Variants in LRP1B observed in about 807,000 individuals in gnomAD.
The protein encoded by LRP1B is low-density lipoprotein receptor-related protein 1B.
In LRP1B, 217 loss-of-function variants were observed where a neutral mutation model predicts 556.6. That is an observed-to-expected ratio of 0.39 (90% CI 0.35 to 0.44). LRP1B has a LOEUF of 0.44. LRP1B is among the 20% of genes least tolerant of loss of function. LRP1B has a pLI of 1.00. For missense variants in LRP1B, 5,053 were observed against 5,620.8 expected (o/e 0.90, Z 3.23); for synonymous variants, 2,047 against 1,865.8 (o/e 1.10, Z -2.50).
intron 13 of LRP1B, among the ~76,000 whole-genome samples, chr2:141,014,233 A>T (rs141772411): frequency 6.6e-6 from 1 of 152,094 alleles, no homozygotes; most frequent in Non-Finnish European, 1.5e-5. Context: ...TAATTGAGCC[A>T]ATGCAAATTG....
intron 31 of LRP1B, among the ~76,000 whole-genome samples, chr2:140,833,335 A>C (rs1297776538): frequency 6.6e-6 from 1 of 152,230 alleles, no homozygotes; most frequent in Non-Finnish European, 1.5e-5. Flanking sequence ...ACTATGTGGC[A>C]GTAGGAGGCG....
At chr2:140,550,422 A>C (rs1178591235) in intron 43 of LRP1B, among the ~76,000 whole-genome samples, 1 of 152,158 alleles carries the variant, frequency 6.6e-6, no homozygotes, top group African/African-American at 2.4e-5. Context: ...AATATCCCCA[A>C]ACTTCAACCT....
chr2:141,334,424 C>T (rs564771485), intron 3 of LRP1B, among the ~76,000 whole-genome samples: 11 of 152,258 alleles, frequency 7.2e-5, no homozygotes, highest in Admixed American at 2.6e-4. Flanking sequence ...AAGCTCCCTG[C>T]GGCCTTACAG....
chr2:141,599,616 T>C (rs1687657893), intron 2 of LRP1B, among the ~76,000 whole-genome samples: 1 of 152,176 alleles, frequency 6.6e-6, no homozygotes, highest in African/African-American at 2.4e-5. Context: ...TTTTTCGATA[T>C]GTACAATTTG....
At chr2:141,932,009 G>A (rs1463100265) in intron 1 of LRP1B, among the ~76,000 whole-genome samples, 1 of 151,986 alleles carries the variant, frequency 6.6e-6, no homozygotes, top group Non-Finnish European at 1.5e-5. Context: ...CTTTGTCCTT[G>A]GAGAGATAAC....
intron 3 of LRP1B, among the ~76,000 whole-genome samples, chr2:141,416,063 TAAATG>T (rs1691089353): frequency 6.6e-6 from 1 of 152,236 alleles, no homozygotes; most frequent in Non-Finnish European, 1.5e-5. Flanking sequence ...AGACAAACTT[TAAATG>T]AAATGTTTGT....
intron 4 of LRP1B, among the ~76,000 whole-genome samples, chr2:141,251,922 A>T (rs406726): frequency 0.22 from 32,687 of 151,918 alleles, 3,588 homozygotes; most frequent in South Asian, 0.25. Flanking sequence ...TGTTCATGTG[A>T]TTCTACAATC....
At chr2:140,617,429 C>G (rs1683296512) in intron 41 of LRP1B, among the ~76,000 whole-genome samples, 2 of 152,016 alleles carry the variant, frequency 1.3e-5, no homozygotes, top group South Asian at 4.1e-4. Flanking sequence ...AAATAAAAAT[C>G]AGTGTGTCAA....
At chr2:141,347,025 A>G (rs1263573571) in intron 3 of LRP1B, among the ~76,000 whole-genome samples, 1 of 152,174 alleles carries the variant, frequency 6.6e-6, no homozygotes, top group African/African-American at 2.4e-5. Flanking sequence ...CATTAAAAAG[A>G]GCCAAAAGCA....
intron 25 of LRP1B, among the ~76,000 whole-genome samples, chr2:140,879,968 G>C (rs1262460133): frequency 6.6e-6 from 1 of 150,620 alleles, no homozygotes; most frequent in African/African-American, 2.4e-5. Flanking sequence ...AAAAAAAGAG[G>C]TTACTTATCT....
At chr2:140,236,990 A>G (rs1680737335) in intron 89 of LRP1B, among the ~76,000 whole-genome samples, 1 of 150,994 alleles carries the variant, frequency 6.6e-6, no homozygotes, top group South Asian at 2.1e-4. Flanking sequence ...TAGCATATCT[A>G]TCACCTCATA....
intron 3 of LRP1B, among the ~76,000 whole-genome samples, chr2:141,266,523 A>AT (rs70991150): frequency 1.1e-4 from 17 of 151,902 alleles, no homozygotes; most frequent in African/African-American, 1.9e-4. Flanking sequence ...CAAAGTAACA[A>AT]TTTTTTTTAA....
intron 3 of LRP1B, among the ~76,000 whole-genome samples, chr2:141,270,866 A>G (rs1339339213): frequency 6.6e-6 from 1 of 151,950 alleles, no homozygotes; most frequent in East Asian, 1.9e-4. Flanking sequence ...CTGAAGATAG[A>G]TGGTTGCACA....
chr2:141,447,955 C>A (rs903976069), intron 3 of LRP1B, among the ~76,000 whole-genome samples: 5 of 152,186 alleles, frequency 3.3e-5, no homozygotes, highest in African/African-American at 7.2e-5. Context: ...GCTGGGAGAT[C>A]CGCTGCTGTC....
chr2:141,385,988 C>T (rs1689822400), intron 3 of LRP1B, among the ~76,000 whole-genome samples: 1 of 152,080 alleles, frequency 6.6e-6, no homozygotes, highest in African/African-American at 2.4e-5. Context: ...TATCAGTAGC[C>T]TACAAATTCA....
At chr2:141,906,488 A>T in intron 1 of LRP1B, among the ~76,000 whole-genome samples, 1 of 152,012 alleles carries the variant, frequency 6.6e-6, no homozygotes, top group East Asian at 1.9e-4. Context: ...GAGTCAGTGT[A>T]CAGCAAACAA....
rs534235688 is a variant in LRP1B, at chr2:140,339,390, G to A, written c.11893-3552C>T. On this transcript the variant is annotated intron_variant, in intron 77 of 90. Coordinates refer to ENST00000389484, the MANE Select transcript of LRP1B (RefSeq NM_018557.3). ...TGTTTTAACAAATTTCTTACAGTTAGCAATATACTTTAAGAAAATTTAGTT... is the reference window on the plus strand; with the variant it reads ...TGTTTTAACAAATTTCTTACAGTTAACAATATACTTTAAGAAAATTTAGTT... 2.0e-5 allele frequency among the ~76,000 whole-genome samples: 3 copies of A among 151,798 alleles called. No individual in the cohort carries two copies. In the South Asian group the frequency reaches 6.2e-4, roughly 31 times the overall value.
At chr2:140,639,621 G>C (rs992251367) in intron 41 of LRP1B, among the ~76,000 whole-genome samples, 5 of 152,148 alleles carry the variant, frequency 3.3e-5, no homozygotes, top group African/African-American at 9.7e-5. Context: ...AGGTCTAAAA[G>C]GTTTCCCTTT....
In LRP1B at chr2:141,005,473, A is replaced by T. The variant is rs2105374109; in HGVS notation, c.2381-16T>A. 6.2e-7 allele frequency: 1 copy of T among 1,607,752 alleles called. No homozygotes were observed. The highest frequency in any genetic ancestry group is 1.1e-5 in the South Asian group (1 of 90,352). ...ATATTGTCACCTGCAAGAGGAAGAA[A>T]GCAAATGTGTCAGAGAACTCTGATT... On this transcript the variant is annotated splice_polypyrimidine_tract_variant and intron_variant, in intron 14 of 90. Transcript: ENST00000389484.
Sources: gnomAD v4.1 joint callset for allele counts (sites outside exome capture counted in the v4.1 genomes callset) on GRCh38, gnomAD v4.1.1 for gene constraint, MANE v1.5 for transcripts, NCBI Gene and HGNC (gene_info 2026-07-23, HGNC 2026-07-21) for gene names.